Variants in INSL6 observed in about 807,000 individuals in gnomAD.
The protein encoded by INSL6 is insulin-like peptide INSL6.
Under a neutral mutation model 9.4 loss-of-function variants are expected in INSL6, and 16 were observed. That is an observed-to-expected ratio of 1.70 (90% CI 1.15 to 2.59). INSL6 has a LOEUF of 2.59. INSL6 is among the 30% of genes most tolerant of loss of function. INSL6 has a pLI of 0.00. For missense variants in INSL6, 391 were observed against 257.3 expected (o/e 1.52, Z -3.56); for synonymous variants, 154 against 96.9 (o/e 1.59, Z -3.46).
chr9:5,152,940 CA>C lies in INSL6; in HGVS notation c.376+11238del, dbSNP rs200296999. On this transcript the variant is annotated intron_variant, in intron 2 of 3. Coordinates refer to the INSL6 transcript ENST00000649639. Reference sequence around the variant, plus strand: ...GGAGCGTCGCCTCACCCGGGAAGCACAAGGGGTCAGGGAACTCCCTCTCCAA... The same window carrying C: ...GGAGCGTCGCCTCACCCGGGAAGCACAGGGGTCAGGGAACTCCCTCTCCAA... Among the ~76,000 whole-genome samples, 1,038 of 152,248 alleles carry C rather than the reference CA, an allele frequency of 6.8e-3. 22 individuals are homozygous for C. The highest frequency in any genetic ancestry group is 0.024 in the African/African-American group (992 of 41,546).
chr9:4,999,789 G>A, the INSL6 span, among the ~76,000 whole-genome samples: 3 of 152,192 alleles, frequency 2.0e-5, no homozygotes, highest in African/African-American at 4.8e-5. Flanking sequence ...TGTTGGCTAA[G>A]TTGCCACAAT....
At chr9:5,095,675 C>T in the INSL6 span, among the ~76,000 whole-genome samples, 1 of 152,140 alleles carries the variant, frequency 6.6e-6, no homozygotes, top group East Asian at 1.9e-4. Flanking sequence ...TCAATAAACA[C>T]GACCAGTCTC....
the INSL6 span, among the ~76,000 whole-genome samples, chr9:5,001,141 G>C: frequency 3.6e-3 from 544 of 152,132 alleles, 4 homozygotes; most frequent in African/African-American, 0.013. Context: ...AATCATGTCT[G>C]CAAATAAAAA....
chr9:5,185,611 C>A lies in INSL6; in HGVS notation c.-9G>T. On this transcript the variant is annotated 5_prime_UTR_variant, in exon 1 of 2. Transcript: ENST00000381641. ...CGGAGGAGCCGCGGCATCCCTGTGA[C>A]CCCAGGCTAGTCCTCCGCGTTGTGC... 6.2e-7 allele frequency: 1 copy of A among 1,608,286 alleles called. No individual in the cohort carries two copies. Among genetic ancestry groups the A allele is most frequent in the Middle Eastern group, 1.9e-4 (1 of 5,214 alleles).
chr9:5,112,590 C>A, the INSL6 span: 2 of 744,406 alleles, frequency 2.7e-6, no homozygotes, highest in Non-Finnish European at 2.2e-6. Flanking sequence ...CTTAAGAGGG[C>A]TCTTAAGGAG....
chr9:5,021,992 G>C, the INSL6 span: 2 of 1,611,946 alleles, frequency 1.2e-6, no homozygotes, highest in Non-Finnish European at 1.7e-6. Context: ...CTCTGCATGG[G>C]AATGGCCTGC....
chr9:5,085,540 C>A, the INSL6 span: 1 of 708,264 alleles, frequency 1.4e-6, no homozygotes, highest in South Asian at 1.5e-5. Flanking sequence ...TTCAATAACT[C>A]GGGTTAAAAT....
At chr9:5,162,680 T>C (rs896196616), downstream of INSL6, among the ~76,000 whole-genome samples, 1 of 152,218 alleles carries the variant, frequency 6.6e-6, no homozygotes, top group African/African-American at 2.4e-5. Context: ...GATAACTGAA[T>C]GCAGACTGTA....
chr9:5,050,635 CATG>C, the INSL6 span: 2 of 1,523,666 alleles, frequency 1.3e-6, no homozygotes, highest in Non-Finnish European at 1.8e-6. Context: ...TAGATTAAAA[CATG>C]ATAATGAAAC....
chr9:4,994,132 G>A, the INSL6 span, among the ~76,000 whole-genome samples: 2 of 152,146 alleles, frequency 1.3e-5, no homozygotes, highest in East Asian at 1.9e-4. Flanking sequence ...ATTTATTTCA[G>A]TGTTTAATAA....
At chr9:5,114,469 A>C in the INSL6 span, 228 of 469,534 alleles carry the variant, frequency 4.9e-4, 2 homozygotes, top group African/African-American at 3.8e-3. Flanking sequence ...TCCACGACCA[A>C]GATCAGCGGC....
the INSL6 span, among the ~76,000 whole-genome samples, chr9:4,995,301 T>G: frequency 1.3e-5 from 2 of 152,232 alleles, no homozygotes; most frequent in African/African-American, 2.4e-5. Flanking sequence ...TTGTTTTCCC[T>G]AGGTTGTCTC....
chr9:5,179,941 T>C (rs890592657), intron 1 of INSL6, among the ~76,000 whole-genome samples: 9 of 152,168 alleles, frequency 5.9e-5, no homozygotes, highest in African/African-American at 2.2e-4. Flanking sequence ...CAAACCACCA[T>C]GACACACATT....
At chr9:5,082,479 T>A in the INSL6 span, among the ~76,000 whole-genome samples, 1 of 152,250 alleles carries the variant, frequency 6.6e-6, no homozygotes, top group Admixed American at 6.5e-5. Context: ...ATCTCAGAAA[T>A]GAACAAATGT....
intron 3 of INSL6, chr9:5,131,977 T>A (rs1032796261): frequency 5.9e-5 from 9 of 152,190 alleles, no homozygotes; most frequent in Non-Finnish European, 1.0e-4. Context: ...ACAGTGTGAA[T>A]CTCATGGTAC....
intron 1 of INSL6, among the ~76,000 whole-genome samples, chr9:5,178,332 C>A (rs1825364540): frequency 6.6e-6 from 1 of 152,122 alleles, no homozygotes; most frequent in South Asian, 2.1e-4. Flanking sequence ...CTCCACGGTT[C>A]CCTTTACTCA....
the INSL6 span, among the ~76,000 whole-genome samples, chr9:5,049,973 T>C: frequency 2.6e-5 from 4 of 152,170 alleles, no homozygotes; most frequent in South Asian, 6.2e-4. Flanking sequence ...TATGGAACCA[T>C]CGTTATATAT....
chr9:5,113,449 A>T, the INSL6 span: 4 of 101,426 alleles, frequency 3.9e-5, no homozygotes, highest in Non-Finnish European at 7.8e-5. Context: ...AAAAAAAAAA[A>T]CCCGGACTGA....
At chr9:5,006,101 C>T in the INSL6 span, among the ~76,000 whole-genome samples, 834 of 152,196 alleles carry the variant, frequency 5.5e-3, 9 homozygotes, top group African/African-American at 0.019. Flanking sequence ...GCCATTTTCA[C>T]GATATTGATT....
Sources: allele counts gnomAD v4.1 joint callset (sites outside exome capture counted in the v4.1 genomes callset), GRCh38; gene constraint gnomAD v4.1.1; transcripts MANE v1.5; gene names NCBI Gene and HGNC (gene_info 2026-07-23, HGNC 2026-07-21).